Variants in SCN11A observed in about 807,000 individuals in gnomAD.
SCN11A encodes the protein sodium voltage-gated channel alpha subunit 11.
SCN11A carries 122 observed loss-of-function variants against 162.2 expected under a neutral mutation model. The observed-to-expected ratio is 0.75, with a 90% CI of 0.65 to 0.87. The LOEUF is 0.87. Ranked by LOEUF, SCN11A falls within the 40% of genes least tolerant of loss-of-function variation. SCN11A has a pLI of 0.00. For synonymous variants in SCN11A, 758 were observed against 751.5 expected (o/e 1.01, Z -0.14); for missense variants, 2,015 against 2,181.6 (o/e 0.92, Z 1.52).
chr3:38,925,209 T>C (rs896973285), intron 9 of SCN11A, among the ~76,000 whole-genome samples: 1 of 151,590 alleles, frequency 6.6e-6, no homozygotes, highest in Non-Finnish European at 1.5e-5. Flanking sequence ...TGAGTCCGTA[T>C]CCATTTGCTT....
At chr3:38,904,151 C>T in intron 15 of SCN11A, 48 bp from the exon 16 acceptor site, 1 of 1,278,632 alleles carries the variant, frequency 7.8e-7, no homozygotes. Context: ...TGAAGCAATC[C>T]AGATGCCCTT....
At chr3:38,857,719 G>A (rs1311214843) in intron 28 of SCN11A, among the ~76,000 whole-genome samples, 1 of 152,018 alleles carries the variant, frequency 6.6e-6, no homozygotes, top group Non-Finnish European at 1.5e-5. Flanking sequence ...TCAAGATGAA[G>A]GAAAGAATCT....
In SCN11A at chr3:38,897,229, T is replaced by C; in HGVS notation, c.2023-4A>G. ...TGGCTAACTTGAAGACCCTGAGCTGTAGAAAAAGACAACAAACAAAAATGG... is the reference window on the plus strand; with the variant it reads ...TGGCTAACTTGAAGACCCTGAGCTGCAGAAAAAGACAACAAACAAAAATGG... On this transcript the variant is annotated splice_region_variant and splice_polypyrimidine_tract_variant and intron_variant, in intron 17 of 29. Transcript: ENST00000302328. 1 of 1,575,816 alleles carries C rather than the reference T, an allele frequency of 6.3e-7. No individual in the cohort carries two copies. The highest frequency in any genetic ancestry group is 1.4e-5 in the African/African-American group (1 of 72,838).
chr3:38,957,065 A>C (rs1428259206), intron 3 of SCN11A, among the ~76,000 whole-genome samples: 1 of 152,208 alleles, frequency 6.6e-6, no homozygotes, highest in East Asian at 1.9e-4. Context: ...AAACTGTATA[A>C]ATCAAGAAAT....
chr3:39,022,571 T>A (rs552968935), intron 2 of SCN11A, among the ~76,000 whole-genome samples: 3 of 152,274 alleles, frequency 2.0e-5, no homozygotes, highest in African/African-American at 7.2e-5. Context: ...TAGACCTTAC[T>A]CAGATCCTGA....
intron 28 of SCN11A, among the ~76,000 whole-genome samples, chr3:38,862,469 C>G (rs181078664): frequency 6.6e-6 from 1 of 151,936 alleles, no homozygotes; most frequent in African/African-American, 2.4e-5. Flanking sequence ...CAATTCGCAA[C>G]GGCAAAAATG....
At chr3:39,016,288 G>T (rs910934618) in intron 2 of SCN11A, among the ~76,000 whole-genome samples, 11 of 152,222 alleles carry the variant, frequency 7.2e-5, no homozygotes, top group African/African-American at 2.4e-4. Context: ...AAATTCTCAG[G>T]TATCTGGGGT....
chr3:38,949,711 T>C (rs934102936), intron 5 of SCN11A, among the ~76,000 whole-genome samples: 11 of 152,218 alleles, frequency 7.2e-5, no homozygotes, highest in Non-Finnish European at 1.5e-4. Flanking sequence ...ATTTCTATTA[T>C]ACAGATTTTA....
At chr3:38,940,500 GA>G (rs2066425029) in intron 7 of SCN11A, among the ~76,000 whole-genome samples, 1 of 152,148 alleles carries the variant, frequency 6.6e-6, no homozygotes, top group Admixed American at 6.5e-5. Context: ...CAATGGAAGA[GA>G]AAAGAAAGTC....
At chr3:38,885,433 C>G (rs1266106171) in intron 20 of SCN11A, 31 bp from the exon 21 acceptor site, 6 of 1,213,002 alleles carry the variant, frequency 4.9e-6, no homozygotes, top group East Asian at 2.3e-5. Flanking sequence ...AAGGGGGTGC[C>G]TTTTACTAAG....
chr3:38,938,511 TATATA>T (rs2066375072), intron 7 of SCN11A, among the ~76,000 whole-genome samples: 1 of 9,846 alleles, frequency 1.0e-4, no homozygotes, highest in Non-Finnish European at 2.1e-4. Flanking sequence ...AAAAATATCA[TATATA>T]TATATATATA....
At chr3:39,003,819 A>G (rs766972162) in intron 2 of SCN11A, among the ~76,000 whole-genome samples, 3 of 152,070 alleles carry the variant, frequency 2.0e-5, no homozygotes, top group Non-Finnish European at 4.4e-5. Flanking sequence ...TTGGCCGCAC[A>G]TATGTCTTCT....
intron 2 of SCN11A, among the ~76,000 whole-genome samples, chr3:38,976,414 A>G (rs941170852): frequency 5.3e-5 from 8 of 152,320 alleles, no homozygotes; most frequent in African/African-American, 1.9e-4. Context: ...CAGAAATACA[A>G]ACAATTTCAA....
chr3:39,005,058 C>T (rs779976242), intron 2 of SCN11A, among the ~76,000 whole-genome samples: 6 of 152,140 alleles, frequency 3.9e-5, no homozygotes, highest in African/African-American at 7.2e-5. Context: ...GCAAGGGGTA[C>T]GTGACAGGGG....
intron 19 of SCN11A, among the ~76,000 whole-genome samples, chr3:38,890,478 C>G (rs536585913): frequency 5.2e-4 from 79 of 152,328 alleles, no homozygotes; most frequent in African/African-American, 1.9e-3. Context: ...GAAACTAAAA[C>G]ATAGGTCAGC....
At chr3:39,009,551 G>A (rs550354594) in intron 2 of SCN11A, among the ~76,000 whole-genome samples, 1 of 150,226 alleles carries the variant, frequency 6.7e-6, no homozygotes, top group African/African-American at 2.5e-5. Flanking sequence ...TTTTTGTTAG[G>A]TAGACCAAAG....
intron 2 of SCN11A, among the ~76,000 whole-genome samples, chr3:39,003,445 G>A (rs2030876862): frequency 1.3e-5 from 2 of 152,146 alleles, no homozygotes; most frequent in Admixed American, 1.3e-4. Flanking sequence ...TGGGCATTTG[G>A]GTTGATTCCA....
chr3:39,028,769 C>T (rs1465650684), intron 2 of SCN11A, among the ~76,000 whole-genome samples: 2 of 152,180 alleles, frequency 1.3e-5, no homozygotes, highest in East Asian at 3.9e-4. Flanking sequence ...TAACAATCTG[C>T]TCTCATGGTA....
At chr3:39,035,891 G>T (rs938713528) in intron 1 of SCN11A, among the ~76,000 whole-genome samples, 15 of 152,170 alleles carry the variant, frequency 9.9e-5, no homozygotes, top group African/African-American at 3.1e-4. Context: ...CACCCGCCTT[G>T]GCCTTCCAAA....
Sources: gnomAD v4.1 joint callset for allele counts (sites outside exome capture counted in the v4.1 genomes callset) on GRCh38, gnomAD v4.1.1 for gene constraint, MANE v1.5 for transcripts, NCBI Gene and HGNC (gene_info 2026-07-23, HGNC 2026-07-21) for gene names.